The following KCNQ5 variants were observed in gnomAD, a reference collection of about 807,000 sequenced individuals.
KCNQ5 encodes the protein potassium voltage-gated channel subfamily Q member 5.
A neutral mutation model predicts 98.2 loss-of-function variants in KCNQ5; 30 were observed. The ratio of observed to expected loss-of-function variants is 0.31; its 90% CI spans 0.23 to 0.41. KCNQ5 has a LOEUF of 0.41. Ranked by LOEUF, KCNQ5 falls within the 10% of genes least tolerant of loss-of-function variation. The pLI, the probability that KCNQ5 is intolerant of heterozygous loss-of-function variation, is 1.00. For synonymous variants in KCNQ5, 458 were observed against 449.4 expected, an observed-to-expected ratio of 1.02 and a Z score of -0.24; for missense variants, 835 against 1,182.5, an observed-to-expected ratio of 0.71 and a Z score of 4.31.
intron 1 of KCNQ5, among the ~76,000 whole-genome samples, chr6:72,677,892 G>T (rs113392457): frequency 0.01 from 1,561 of 152,262 alleles, 28 homozygotes; most frequent in African/African-American, 0.035. Context: ...AGGTGATTGG[G>T]GGTGCGGTGG....
chr6:72,622,471 C>G lies in KCNQ5; in HGVS notation c.282C>G (p.Leu94=), dbSNP rs372427870. ...GGATGAGCCTGCTGGGGAAGCCGCT[C>G]TCTTACACGAGTAGCCAGAGCTGCC... ...GARMSLLGKP[L]SYTSSQSCRR... is the part of the protein sequence containing the mutation. The change falls in exon 1 of 14, where the codon CTC becomes CTG. Residue 94 remains leucine (L), a synonymous_variant. Transcript: ENST00000370398. The surrounding 1 kb of genome is among the most constrained non-coding windows in gnomAD (Gnocchi z 6.0). 7 of 1,604,230 alleles carry G rather than the reference C, an allele frequency of 4.4e-6. No homozygotes were observed. The highest frequency in any genetic ancestry group is 1.1e-5 in the South Asian group (1 of 90,302).
At chr6:72,641,450 CA>C (rs1235587406) in intron 1 of KCNQ5, among the ~76,000 whole-genome samples, 3 of 152,102 alleles carry the variant, frequency 2.0e-5, no homozygotes, top group Non-Finnish European at 4.4e-5. Context: ...CCATGTTAAA[CA>C]GGCCTACCAC....
At chr6:72,944,333 TG>T (rs1766441107) in intron 1 of KCNQ5, among the ~76,000 whole-genome samples, 1 of 152,212 alleles carries the variant, frequency 6.6e-6, no homozygotes, top group Non-Finnish European at 1.5e-5. Flanking sequence ...ACACATTTTT[TG>T]TTTCTAATAA....
rs923400713 is a variant in KCNQ5 at position 72,622,655 on chromosome 6, T to C, written c.398+68T>C. ...CTGTCCCTGGCCCCCTGGGGCGTGC[T>C]CCGCGCTCGCGCCCTTGGGCCCCCG... On this transcript the variant is annotated intron_variant, in intron 1 of 13. Coordinates refer to ENST00000370398, the MANE Select transcript of KCNQ5 (RefSeq NM_019842.4). The surrounding 1 kb of genome is among the most constrained non-coding windows in gnomAD (Gnocchi z 6.0). 2.5e-5 allele frequency: 39 copies of C among 1,565,530 alleles called. No individual in the cohort carries two copies. Among genetic ancestry groups the C allele is most frequent in the Non-Finnish European group, 3.2e-5 (37 of 1,152,518 alleles).
rs1407927314 is a variant in KCNQ5, at chr6:73,197,298, A to G, written c.*1884A>G. 1 of 152,098 alleles carries G rather than the reference A, an allele frequency of 6.6e-6. No individual in the cohort carries two copies. The highest frequency in any genetic ancestry group is 1.5e-5 in the Non-Finnish European group (1 of 68,022). 9.4% of individuals were successfully genotyped at this position (152,098 alleles called of 1,614,324 possible). A position where few individuals can be genotyped will look rare whatever the true frequency, so the allele number is the denominator to read the frequency against. On this transcript the variant is annotated 3_prime_UTR_variant, in exon 14 of 14. Transcript: ENST00000370398. The stretch of plus-strand genomic sequence containing the variant: ...CGCTTTACCTAAAATGTGCTTCTCA[A>G]CCTTTTAGAACCTTGTCCCTTTTGA...
chr6:72,948,429 T>C (rs552945543), intron 1 of KCNQ5, among the ~76,000 whole-genome samples: 1 of 152,000 alleles, frequency 6.6e-6, no homozygotes, highest in East Asian at 1.9e-4. Flanking sequence ...ACATATAAAC[T>C]GTTTTATTCA....
At chr6:73,071,392 C>G (rs776404541) in intron 3 of KCNQ5, among the ~76,000 whole-genome samples, 1 of 152,044 alleles carries the variant, frequency 6.6e-6, no homozygotes, top group African/African-American at 2.4e-5. Context: ...CAGGACTATT[C>G]GTTTCAGCAT....
chr6:72,658,579 T>TATA lies in KCNQ5; in HGVS notation c.398+35992_398+35993insATA, dbSNP rs34408725. 5.1e-3 allele frequency among the ~76,000 whole-genome samples: 357 copies of TATA among 69,452 alleles called. 3 individuals are homozygous for TATA. The highest frequency in any genetic ancestry group is 0.023 in the East Asian group (68 of 2,942). The allele number at this position is 69,452 out of a possible 152,430, so 45.6% of individuals were successfully genotyped here. A position where few individuals can be genotyped will look rare whatever the true frequency, so the allele number is the denominator to read the frequency against. ...TAAAGGATATATATATATATATATA[T>TATA]TTTTTTTTTTTTTTTTTTTGAGACA... On this transcript the variant is annotated intron_variant, in intron 1 of 13. Coordinates refer to ENST00000370398, the MANE Select transcript of KCNQ5 (RefSeq NM_019842.4).
chr6:73,135,114 A>G (rs374859433), intron 10 of KCNQ5: 1 of 152,212 alleles, frequency 6.6e-6, no homozygotes, highest in Non-Finnish European at 1.5e-5. Flanking sequence ...TATTTCTAGG[A>G]TATAATAGAT....
At chr6:72,627,979 C>T (rs879643761) in intron 1 of KCNQ5, among the ~76,000 whole-genome samples, 2 of 152,188 alleles carry the variant, frequency 1.3e-5, no homozygotes, top group African/African-American at 2.4e-5. Context: ...CTACCAATGT[C>T]ATTATAATGG....
chr6:72,828,788 T>A (rs1776112430), intron 1 of KCNQ5, among the ~76,000 whole-genome samples: 1 of 152,140 alleles, frequency 6.6e-6, no homozygotes. Context: ...GTCTAATTGC[T>A]CTGGCTAGTA....
At chr6:72,939,314 T>C (rs1178822104) in intron 1 of KCNQ5, among the ~76,000 whole-genome samples, 3 of 152,166 alleles carry the variant, frequency 2.0e-5, no homozygotes, top group African/African-American at 4.8e-5. Context: ...CCACCACAGC[T>C]GGGGGCTCTC....
At chr6:73,145,035 C>T (rs934289822) in intron 10 of KCNQ5, among the ~76,000 whole-genome samples, 67 of 152,338 alleles carry the variant, frequency 4.4e-4, no homozygotes, top group Middle Eastern at 6.8e-3. Flanking sequence ...ATCTACCATC[C>T]CAGCCATTTA....
intron 1 of KCNQ5, among the ~76,000 whole-genome samples, chr6:72,752,865 A>G (rs567697139): frequency 2.6e-5 from 4 of 152,172 alleles, no homozygotes; most frequent in Non-Finnish European, 4.4e-5. Context: ...GGATATGTAC[A>G]GTAACAAAGG....
chr6:72,852,468 A>G (rs1438494297), intron 1 of KCNQ5, among the ~76,000 whole-genome samples: 2 of 150,970 alleles, frequency 1.3e-5, no homozygotes, highest in African/African-American at 4.9e-5. Context: ...AACAACATGG[A>G]TGGAACTGGA....
chr6:72,866,989 A>C lies in KCNQ5; in HGVS notation c.399-136919A>C, dbSNP rs556330383. On this transcript the variant is annotated intron_variant, in intron 1 of 13. Transcript: ENST00000370398. ...TTTTCTGTCAAGCCCTTATGAATTT[A>C]ATTGATTAAGCTCTGTCACTGCCAC... Among the ~76,000 whole-genome samples, 93 of 152,290 alleles carry C rather than the reference A, an allele frequency of 6.1e-4. 1 individual carries two copies. The highest frequency in any genetic ancestry group is 9.8e-4 in the Admixed American group (15 of 15,290).
rs142162543 is a variant in KCNQ5 at position 72,720,545 on chromosome 6, T to C, written c.398+97958T>C. 2.5e-3 allele frequency among the ~76,000 whole-genome samples: 375 copies of C among 152,298 alleles called. 1 individual carries two copies. The highest frequency in any genetic ancestry group is 3.6e-3 in the Non-Finnish European group (246 of 68,016). ...CTAGATGGGGGTTTGACCTTGTGAT[T>C]TTCTGCAGTTTCTTTCCTACTTAGC... On this transcript the variant is annotated intron_variant, in intron 1 of 13. Coordinates refer to ENST00000370398, the MANE Select transcript of KCNQ5 (RefSeq NM_019842.4).
chr6:72,826,723 A>G (rs999633116), intron 1 of KCNQ5, among the ~76,000 whole-genome samples: 57 of 152,278 alleles, frequency 3.7e-4, no homozygotes, highest in African/African-American at 1.2e-3. Context: ...CTTGTGTTAG[A>G]AACATTCAGT....
chr6:72,761,135 A>G (rs1772249858), intron 1 of KCNQ5, among the ~76,000 whole-genome samples: 1 of 152,150 alleles, frequency 6.6e-6, no homozygotes, highest in African/African-American at 2.4e-5. Context: ...AGGAATTTTC[A>G]TTTTCTTCAC....
Sources: gnomAD v4.1 joint callset for allele counts (sites outside exome capture counted in the v4.1 genomes callset) on GRCh38, gnomAD v4.1.1 for gene constraint, Gnocchi (gnomAD v3.1) non-coding constraint, MANE v1.5 for transcripts, NCBI Gene and HGNC (gene_info 2026-07-23, HGNC 2026-07-21) for gene names.